The following SUGCT variants were observed in gnomAD, a reference collection of about 807,000 sequenced individuals.
SUGCT encodes the protein succinyl-CoA:glutarate CoA-transferase.
Under a neutral mutation model 55.0 loss-of-function variants are expected in SUGCT, and 41 were observed. The observed-to-expected ratio is 0.74, with a 90% confidence interval of 0.58 to 0.97. The LOEUF is 0.97. Ranked by LOEUF, SUGCT falls within the 50% of genes least tolerant of loss-of-function variation. SUGCT has a pLI of 0.00. For synonymous variants in SUGCT, 187 were observed against 200.4 expected, an observed-to-expected ratio of 0.93 and a Z score of 0.56; for missense variants, 568 against 547.8, an observed-to-expected ratio of 1.04 and a Z score of -0.37.
At chr7:40,788,400 G>T (rs1183769439) in intron 13 of SUGCT, among the ~76,000 whole-genome samples, 3 of 152,168 alleles carry the variant, frequency 2.0e-5, no homozygotes, top group Non-Finnish European at 4.4e-5. Context: ...GGATGCCAAC[G>T]ATGAGACTGC....
At position 40,690,180 on chromosome 7, in the gene SUGCT, G is replaced by C. The variant is rs1468007295; in HGVS notation, c.1090-59254G>C. ...CGAAAACATGTGGAGCTTGGGATAT[G>C]GGCCAAGATGGTAAACATAATGGTT... is the stretch of plus-strand genomic sequence containing the variant. On this transcript the variant is annotated intron_variant, in intron 12 of 13. Coordinates refer to ENST00000335693, the MANE Select transcript of SUGCT (RefSeq NM_001193313.2). Among the ~76,000 whole-genome samples the C allele has an allele frequency of 9.8e-5, 15 of 152,288 alleles. No homozygotes were observed. In the East Asian group the frequency reaches 2.9e-3, roughly 29 times the overall value.
chr7:41,027,031 A>G, the SUGCT span, among the ~76,000 whole-genome samples: 10 of 152,096 alleles, frequency 6.6e-5, no homozygotes, highest in East Asian at 1.9e-3. Flanking sequence ...GACTCCATCT[A>G]AAAAAAAGTT....
chr7:40,860,255 G>T, intron 13 of SUGCT, 61 bp from the exon 14 acceptor site: 1 of 1,605,758 alleles, frequency 6.2e-7, no homozygotes, highest in Non-Finnish European at 8.5e-7. Flanking sequence ...AGGCTGCTTA[G>T]GTAATTAATT....
At chr7:40,482,540 T>C (rs1214147235) in intron 11 of SUGCT, among the ~76,000 whole-genome samples, 1 of 152,208 alleles carries the variant, frequency 6.6e-6, no homozygotes, top group Non-Finnish European at 1.5e-5. Flanking sequence ...CCAGTAGTTC[T>C]TCACAAAGAG....
At chr7:40,380,158 T>C (rs1371998047) in intron 9 of SUGCT, among the ~76,000 whole-genome samples, 1 of 152,212 alleles carries the variant, frequency 6.6e-6, no homozygotes, top group Non-Finnish European at 1.5e-5. Flanking sequence ...TCCAACCCAG[T>C]TCAGTGTCTT....
intron 6 of SUGCT, among the ~76,000 whole-genome samples, chr7:40,205,708 A>G (rs1786935239): frequency 6.6e-6 from 1 of 151,804 alleles, no homozygotes; most frequent in East Asian, 1.9e-4. Context: ...TGCTGGGTGT[A>G]ATTAGGGATA....
At chr7:40,564,554 T>C (rs947578054) in intron 12 of SUGCT, among the ~76,000 whole-genome samples, 14 of 152,248 alleles carry the variant, frequency 9.2e-5, no homozygotes, top group Non-Finnish European at 2.9e-5. Flanking sequence ...TTTCAACTTA[T>C]TCTGTTAACC....
intron 8 of SUGCT, among the ~76,000 whole-genome samples, chr7:40,304,456 C>T (rs1422781780): frequency 6.7e-6 from 1 of 149,668 alleles, no homozygotes. Context: ...TTTTATTTCA[C>T]TAGGTTTTGG....
In SUGCT at chr7:40,228,492, T is replaced by TTG. The variant is rs369027925; in HGVS notation, c.485-9125_485-9124dup. ...AAACTGATCTATAACTTGTTCAGGT[T>TTG]TGTGTGTGTGTGTGTGTGTTTTTGT... is the stretch of plus-strand genomic sequence containing the variant. On this transcript the variant is annotated intron_variant, in intron 6 of 13. Coordinates refer to ENST00000335693, the MANE Select transcript of SUGCT (RefSeq NM_001193313.2). Among the ~76,000 whole-genome samples, 363 of 150,802 alleles carry TTG rather than the reference T, an allele frequency of 2.4e-3. 1 individual carries two copies. Among genetic ancestry groups the TTG allele is most frequent in the South Asian group, 5.0e-3 (24 of 4,782 alleles).
the SUGCT span, among the ~76,000 whole-genome samples, chr7:40,869,543 G>A: frequency 0.29 from 44,016 of 152,114 alleles, 7,111 homozygotes; most frequent in East Asian, 0.72. Flanking sequence ...GATACCCTGA[G>A]TAGAGATATA....
chr7:40,813,459 G>A (rs966123683), intron 13 of SUGCT, among the ~76,000 whole-genome samples: 3 of 152,132 alleles, frequency 2.0e-5, no homozygotes, highest in African/African-American at 7.2e-5. Flanking sequence ...TTATCATTAT[G>A]TAATGCCTGT....
At chr7:40,466,521 A>G (rs998078354) in intron 11 of SUGCT, among the ~76,000 whole-genome samples, 2 of 152,132 alleles carry the variant, frequency 1.3e-5, no homozygotes, top group African/African-American at 4.8e-5. Flanking sequence ...TTCATCAGTC[A>G]TTTACTTCTC....
chr7:40,496,668 C>T (rs1272979178), intron 12 of SUGCT, among the ~76,000 whole-genome samples: 1 of 152,204 alleles, frequency 6.6e-6, no homozygotes, highest in African/African-American at 2.4e-5. Context: ...CAGAAATATA[C>T]ACAATTGAGA....
intron 12 of SUGCT, among the ~76,000 whole-genome samples, chr7:40,563,702 A>C (rs1232439977): frequency 6.6e-6 from 1 of 151,678 alleles, no homozygotes; most frequent in African/African-American, 2.4e-5. Context: ...CAACAGAGCA[A>C]TACTGTCTCT....
chr7:40,274,380 C>A, intron 7 of SUGCT, 133 bp from the exon 8 acceptor site: 4 of 858,334 alleles, frequency 4.7e-6, no homozygotes, highest in South Asian at 2.3e-5. Context: ...ATTTTATTAA[C>A]TTTCTTGTGT....
the SUGCT span, among the ~76,000 whole-genome samples, chr7:40,992,978 T>G: frequency 6.6e-6 from 1 of 152,164 alleles, no homozygotes. Flanking sequence ...GGCACAGACC[T>G]CCTTGTATGC....
At chr7:41,030,637 C>A in the SUGCT span, among the ~76,000 whole-genome samples, 2,253 of 152,164 alleles carry the variant, frequency 0.015, 55 homozygotes, top group African/African-American at 0.05. Context: ...TATTTAGTAT[C>A]TAAGGATTTC....
intron 12 of SUGCT, among the ~76,000 whole-genome samples, chr7:40,707,291 T>G (rs774230625): frequency 1.3e-4 from 20 of 152,036 alleles, no homozygotes; most frequent in Non-Finnish European, 2.4e-4. Context: ...GTTTTCTTCG[T>G]CTCCTTTCTT....
At chr7:40,630,964 T>C (rs1283437494) in intron 12 of SUGCT, among the ~76,000 whole-genome samples, 1 of 152,104 alleles carries the variant, frequency 6.6e-6, no homozygotes, top group Non-Finnish European at 1.5e-5. Flanking sequence ...TGTTTATAGA[T>C]TAGAAAATTG....
Sources: gnomAD v4.1 joint callset for allele counts (sites outside exome capture counted in the v4.1 genomes callset) on GRCh38, gnomAD v4.1.1 for gene constraint, MANE v1.5 for transcripts, NCBI Gene and HGNC (gene_info 2026-07-23, HGNC 2026-07-21) for gene names.